FRMD5: variants seen among roughly 807,000 people sequenced by gnomAD.
The protein encoded by FRMD5 is FERM domain-containing protein 5.
In FRMD5, 20 loss-of-function variants were observed where a neutral mutation model predicts 69.0. The observed-to-expected ratio is 0.29, with a 90% confidence interval of 0.20 to 0.42. FRMD5 has a LOEUF of 0.42. Among genes scored for constraint, FRMD5 ranks in the 10% least tolerant of loss-of-function variants. The probability of loss-of-function intolerance (pLI) is 1.00; values close to 1 mark genes in which losing one functional copy is unlikely to be tolerated. For synonymous variants in FRMD5, 271 were observed against 260.1 expected, an observed-to-expected ratio of 1.04 and a Z score of -0.40; for missense variants, 595 against 708.6, an observed-to-expected ratio of 0.84 and a Z score of 1.82.
At chr15:43,922,505 A>C (rs1275912928) in intron 2 of FRMD5, among the ~76,000 whole-genome samples, 1 of 151,994 alleles carries the variant, frequency 6.6e-6, no homozygotes, top group Non-Finnish European at 1.5e-5. Flanking sequence ...ATCTCTCTCT[A>C]GTTCCTTCTC....
chr15:44,032,263 A>G (rs1891716579), intron 1 of FRMD5, among the ~76,000 whole-genome samples: 1 of 152,184 alleles, frequency 6.6e-6, no homozygotes, highest in Non-Finnish European at 1.5e-5. Flanking sequence ...AAGACAACCT[A>G]GGCAATACCA....
chr15:44,090,565 G>T (rs537875753), intron 1 of FRMD5, among the ~76,000 whole-genome samples: 3 of 151,386 alleles, frequency 2.0e-5, no homozygotes, highest in Admixed American at 6.6e-5. Context: ...TCAGCCTTTC[G>T]AGTAGCTGGG....
chr15:44,144,799 G>A (rs2077330931), intron 1 of FRMD5, among the ~76,000 whole-genome samples: 1 of 152,204 alleles, frequency 6.6e-6, no homozygotes, highest in African/African-American at 2.4e-5. Flanking sequence ...AACGGAGTGA[G>A]TCAAGTCCTT....
At chr15:43,899,590 T>C (rs2140392699) in intron 7 of FRMD5, among the ~76,000 whole-genome samples, 2 of 152,280 alleles carry the variant, frequency 1.3e-5, no homozygotes, top group South Asian at 2.1e-4. Flanking sequence ...GAGAACATAA[T>C]GTGAAAAGAC....
At position 43,874,103 on chromosome 15, in the gene FRMD5, G is replaced by A. The variant is rs761699700; in HGVS notation, c.1495C>T (p.Leu499=). ...ACAAGGAGCAAACGGAGGACACTTA[G>A]AACAAACTTATTCACCTGTTCCTCC... The part of the protein sequence containing the change: ...PEEEQVNKFV[L]SVLRLLLVTM... The change falls in exon 14 of 14, where the codon CTA becomes TTA. Residue 499 remains leucine (L), a synonymous_variant. Coordinates refer to ENST00000417257, the MANE Select transcript of FRMD5 (RefSeq NM_032892.5). 5 of 1,614,218 alleles carry A rather than the reference G, an allele frequency of 3.1e-6. 1 individual carries two copies. The South Asian group carries it at 4.4e-5, about 14-fold the overall frequency.
chr15:44,098,129 C>CAAAA (rs2076581908), intron 1 of FRMD5, among the ~76,000 whole-genome samples: 9 of 143,426 alleles, frequency 6.3e-5, no homozygotes, highest in African/African-American at 1.1e-4. Context: ...AAAAAAAAAA[C>CAAAA]TAAACAACAA....
chr15:44,183,668 C>T (rs1393340565), intron 1 of FRMD5, among the ~76,000 whole-genome samples: 1 of 152,122 alleles, frequency 6.6e-6, no homozygotes, highest in Non-Finnish European at 1.5e-5. Flanking sequence ...CCTCTACCAT[C>T]ACACACAGCT....
intron 1 of FRMD5, among the ~76,000 whole-genome samples, chr15:44,022,528 T>G (rs1257955226): frequency 7.7e-6 from 1 of 129,966 alleles, no homozygotes; most frequent in East Asian, 2.6e-4. Flanking sequence ...GAGCTGAGAT[T>G]GCACCACTGT....
chr15:43,881,717 A>G lies in FRMD5; in HGVS notation c.1135+1986T>C, dbSNP rs939120152. The stretch of plus-strand genomic sequence containing the variant: ...TGGGGTGGGCAAGGAAGATGTCCCT[A>G]TTTTACAAATGGAGCAATGAAGATA... On this transcript the variant is annotated intron_variant, in intron 13 of 13. Coordinates refer to ENST00000417257, the MANE Select transcript of FRMD5 (RefSeq NM_032892.5). 2.0e-5 allele frequency among the ~76,000 whole-genome samples: 3 copies of G among 152,102 alleles called. No homozygotes were observed. In the South Asian group the frequency reaches 6.2e-4, roughly 32 times the overall value.
intron 4 of FRMD5, chr15:43,919,187 T>C: frequency 1.8e-6 from 1 of 566,074 alleles, no homozygotes; most frequent in Non-Finnish European, 3.4e-6. Context: ...AAGACGCTTC[T>C]GATTAGTTAC....
rs147563072 is a variant in FRMD5 at position 44,062,375 on chromosome 15, A to T, written c.102+132578T>A. Among the ~76,000 whole-genome samples the T allele has an allele frequency of 2.0e-4, 30 of 152,218 alleles. 1 individual carries two copies. Among genetic ancestry groups the T allele is most frequent in the African/African-American group, 6.7e-4 (28 of 41,532 alleles). ...CTAGAAGACACGGTCTTTCTGAAGA[A>T]GTATCAGTATTACTTCAAAAGTTAG... On this transcript the variant is annotated intron_variant, in intron 1 of 13. Transcript: ENST00000417257.
chr15:44,023,344 A>G (rs938040927), intron 1 of FRMD5, among the ~76,000 whole-genome samples: 3 of 152,202 alleles, frequency 2.0e-5, no homozygotes, highest in Non-Finnish European at 4.4e-5. Context: ...GTCCTAAGCT[A>G]TAATGTTGAA....
At chr15:44,010,961 G>C (rs1890691196) in intron 1 of FRMD5, among the ~76,000 whole-genome samples, 2 of 152,072 alleles carry the variant, frequency 1.3e-5, no homozygotes, top group South Asian at 4.1e-4. Context: ...AACAAGATGA[G>C]AAGAGTCCAT....
chr15:44,131,659 A>G (rs1386084255), intron 1 of FRMD5, among the ~76,000 whole-genome samples: 3 of 152,242 alleles, frequency 2.0e-5, no homozygotes, highest in Non-Finnish European at 4.4e-5. Flanking sequence ...GAACCTTGAA[A>G]ACATTAGGCT....
At chr15:44,156,936 C>T (rs1344452020) in intron 1 of FRMD5, among the ~76,000 whole-genome samples, 1 of 152,050 alleles carries the variant, frequency 6.6e-6, no homozygotes, top group East Asian at 1.9e-4. Flanking sequence ...AAATAAACTG[C>T]CCCTTCTAGA....
At chr15:43,924,980 C>T (rs2089557536) in intron 1 of FRMD5, among the ~76,000 whole-genome samples, 2 of 151,108 alleles carry the variant, frequency 1.3e-5, no homozygotes, top group South Asian at 4.2e-4. Flanking sequence ...CTAGAAGCAA[C>T]TGTTATCAGC....
chr15:43,881,883 G>A (rs1465243907), intron 13 of FRMD5, among the ~76,000 whole-genome samples: 1 of 152,054 alleles, frequency 6.6e-6, no homozygotes, highest in Non-Finnish European at 1.5e-5. Flanking sequence ...TAGATCTCAG[G>A]GAAACAGCAG....
At chr15:44,061,861 C>T (rs1039840928) in intron 1 of FRMD5, among the ~76,000 whole-genome samples, 2 of 152,116 alleles carry the variant, frequency 1.3e-5, no homozygotes, top group Non-Finnish European at 2.9e-5. Flanking sequence ...TTTCTGATAC[C>T]GGACGTAATA....
chr15:44,124,814 A>T (rs2733204), intron 1 of FRMD5, among the ~76,000 whole-genome samples: 125,965 of 152,142 alleles, frequency 0.83, 54,808 homozygotes, highest in Non-Finnish European at 0.95. Flanking sequence ...AAAAATTAGG[A>T]TATATGAATA....
Sources: allele counts gnomAD v4.1 joint callset (sites outside exome capture counted in the v4.1 genomes callset), GRCh38; gene constraint gnomAD v4.1.1; transcripts MANE v1.5; gene names NCBI Gene and HGNC (gene_info 2026-07-23, HGNC 2026-07-21).